TMEM266: variants seen among roughly 807,000 people sequenced by gnomAD.
TMEM266 encodes the protein Hv1 related protein 1.
Under a neutral mutation model 50.5 loss-of-function variants are expected in TMEM266, and 33 were observed. The ratio of observed to expected loss-of-function variants is 0.65; its 90% CI spans 0.50 to 0.87. The LOEUF is 0.87. Ranked by LOEUF, TMEM266 falls within the 40% of genes least tolerant of loss-of-function variation. TMEM266 has a pLI of 0.00. For missense variants in TMEM266, 655 were observed against 695.1 expected (o/e 0.94, Z 0.65); for synonymous variants, 310 against 292.3 (o/e 1.06, Z -0.62).
chr15:76,082,202 C>G (rs530340700), intron 1 of TMEM266, among the ~76,000 whole-genome samples: 1 of 152,290 alleles, frequency 6.6e-6, no homozygotes, highest in East Asian at 1.9e-4. Context: ...CACTTCTAAA[C>G]TTTATTAATT....
intron 1 of TMEM266, among the ~76,000 whole-genome samples, chr15:76,070,401 CTA>C (rs2036521285): frequency 6.6e-6 from 1 of 152,204 alleles, no homozygotes; most frequent in South Asian, 2.1e-4. Flanking sequence ...ATGCTAAGGA[CTA>C]TGGAAATTCA....
chr15:76,068,683 G>A (rs1028486746), intron 1 of TMEM266, among the ~76,000 whole-genome samples: 1 of 152,214 alleles, frequency 6.6e-6, no homozygotes, highest in African/African-American at 2.4e-5. Flanking sequence ...GTGGCTGTCT[G>A]CAAGCCAGGA....
At chr15:76,190,641 T>G (rs2038554061) in intron 8 of TMEM266, among the ~76,000 whole-genome samples, 1 of 152,154 alleles carries the variant, frequency 6.6e-6, no homozygotes, top group African/African-American at 2.4e-5. Flanking sequence ...GATTGCATTT[T>G]TGGCTCCAGC....
intron 4 of TMEM266, among the ~76,000 whole-genome samples, chr15:76,157,260 AT>A: frequency 6.6e-6 from 1 of 152,236 alleles, no homozygotes; most frequent in East Asian, 1.9e-4. Context: ...TTTTTAAAGC[AT>A]TTTTCCGCAC....
intron 4 of TMEM266, 51 bp downstream of exon 4, chr15:76,156,809 A>G (rs750647849): frequency 5.0e-5 from 79 of 1,582,732 alleles, no homozygotes; most frequent in South Asian, 1.2e-4. Context: ...TCAATATTCA[A>G]TGTGCATCTG....
intron 4 of TMEM266, among the ~76,000 whole-genome samples, chr15:76,157,265 T>C (rs2037942390): frequency 6.6e-6 from 1 of 152,220 alleles, no homozygotes. Context: ...AAAGCATTTT[T>C]CCGCACATTT....
chr15:76,086,952 A>G (rs954474851), intron 1 of TMEM266, among the ~76,000 whole-genome samples: 1 of 151,484 alleles, frequency 6.6e-6, no homozygotes, highest in Non-Finnish European at 1.5e-5. Context: ...TGGTGTTGCA[A>G]AGGGAGTACC....
chr15:76,150,663 G>A (rs1002018042), intron 3 of TMEM266, among the ~76,000 whole-genome samples: 2 of 152,164 alleles, frequency 1.3e-5, no homozygotes, highest in Admixed American at 6.5e-5. Context: ...GGGTGGGAGA[G>A]GCCAGGCCCC....
chr15:76,101,083 G>T (rs761478225), intron 1 of TMEM266, among the ~76,000 whole-genome samples: 1 of 149,972 alleles, frequency 6.7e-6, no homozygotes, highest in Admixed American at 6.7e-5. Context: ...ATGTAATGTT[G>T]CAAGCTGGCA....
chr15:76,110,677 G>C (rs2037157686), intron 1 of TMEM266, among the ~76,000 whole-genome samples: 1 of 152,100 alleles, frequency 6.6e-6, no homozygotes, highest in Non-Finnish European at 1.5e-5. Flanking sequence ...CCCAAAGGTA[G>C]AAAAAGAATA....
rs764731338 is a variant in TMEM266 at position 76,076,651 on chromosome 15, A to G, written c.-97+16635A>G. ...CTCACAGGCAGAGCAAGAAGACCTC[A>G]TAGTTAGGCAAGATCATGAGCAGGC... On this transcript the variant is annotated intron_variant, in intron 1 of 10. Coordinates refer to ENST00000388942, the MANE Select transcript of TMEM266 (RefSeq NM_152335.3). Among the ~76,000 whole-genome samples, 58 of 152,220 alleles carry G rather than the reference A, an allele frequency of 3.8e-4. 1 individual carries two copies. Among genetic ancestry groups the G allele is most frequent in the Middle Eastern group, 3.4e-3 (1 of 294 alleles).
rs557619384 is a variant in TMEM266 at position 76,097,028 on chromosome 15, C to T, written c.-97+37012C>T. ...GTGTCTTTGCACGTGAGATGGGTCTCCTGAATACAGCACACAGATGGGTCT... is the reference window on the plus strand; with the variant it reads ...GTGTCTTTGCACGTGAGATGGGTCTTCTGAATACAGCACACAGATGGGTCT... On this transcript the variant is annotated intron_variant, in intron 1 of 10. Coordinates refer to ENST00000388942, the MANE Select transcript of TMEM266 (RefSeq NM_152335.3). Among the ~76,000 whole-genome samples the T allele has an allele frequency of 1.5e-4, 22 of 150,498 alleles. No homozygotes were observed. The Middle Eastern group carries it at 0.021, about 142-fold the overall frequency.
chr15:76,196,349 C>G (rs895592428), intron 9 of TMEM266, among the ~76,000 whole-genome samples: 2 of 152,200 alleles, frequency 1.3e-5, no homozygotes, highest in African/African-American at 4.8e-5. Flanking sequence ...GCATCAACAG[C>G]AAAGCCAGTG....
chr15:76,168,218 G>A lies in TMEM266; in HGVS notation c.457-1598G>A, dbSNP rs2038128213. ...CGTGGGGCCACCCACCCAGAGACCG[G>A]GAAGTTATAGCGGAGCGGACTTCGG... On this transcript the variant is annotated intron_variant, in intron 5 of 10. Transcript: ENST00000388942. The surrounding 1 kb of genome is among the most constrained non-coding windows in gnomAD (Gnocchi z 4.4). Among the ~76,000 whole-genome samples, 1 of 152,182 alleles carries A rather than the reference G, an allele frequency of 6.6e-6. No individual in the cohort carries two copies. Among genetic ancestry groups the A allele is most frequent in the Non-Finnish European group, 1.5e-5 (1 of 68,034 alleles).
At chr15:76,163,842 G>A (rs567609659) in intron 5 of TMEM266, among the ~76,000 whole-genome samples, 3 of 152,340 alleles carry the variant, frequency 2.0e-5, no homozygotes, top group African/African-American at 7.2e-5. Context: ...AGGCAGTGGT[G>A]GCAGCAGCTA....
Position 76,202,863 on chromosome 15 carries a change from G to C in TMEM266, c.1021+599G>C, listed in dbSNP as rs567474266. On this transcript the variant is annotated intron_variant, in intron 10 of 10. Coordinates refer to ENST00000388942, the MANE Select transcript of TMEM266 (RefSeq NM_152335.3). ...AAAACCTTGTATGCTCCATTGTAAGGCTAGAATATTATGTTGGGCCATGTG... is the reference window on the plus strand; with the variant it reads ...AAAACCTTGTATGCTCCATTGTAAGCCTAGAATATTATGTTGGGCCATGTG... 1.4e-4 allele frequency among the ~76,000 whole-genome samples: 21 copies of C among 152,116 alleles called. No individual in the cohort carries two copies. In the South Asian group the frequency reaches 4.2e-3, roughly 30 times the overall value.
At chr15:76,112,612 T>A (rs2037186607) in intron 1 of TMEM266, 1 of 152,192 alleles carries the variant, frequency 6.6e-6, no homozygotes, top group Admixed American at 6.5e-5. Context: ...AGCACAGCAT[T>A]GACTTGTCGA....
intron 1 of TMEM266, among the ~76,000 whole-genome samples, chr15:76,104,501 C>G (rs2037052247): frequency 6.6e-6 from 1 of 152,148 alleles, no homozygotes; most frequent in Admixed American, 6.6e-5. Flanking sequence ...ATTTCCAGGG[C>G]AGCGGATGGA....
chr15:76,097,626 A>T (rs1209223362), intron 1 of TMEM266, among the ~76,000 whole-genome samples: 1 of 151,710 alleles, frequency 6.6e-6, no homozygotes, highest in South Asian at 2.1e-4. Flanking sequence ...GTATTTCCTG[A>T]ATTTGAATGT....
Sources: allele counts gnomAD v4.1 joint callset (sites outside exome capture counted in the v4.1 genomes callset), GRCh38; gene constraint gnomAD v4.1.1; non-coding constraint Gnocchi (gnomAD v3.1); transcripts MANE v1.5; gene names NCBI Gene and HGNC (gene_info 2026-07-23, HGNC 2026-07-21).